EIF2B3: variants seen among roughly 807,000 people sequenced by gnomAD.
EIF2B3 encodes eukaryotic translation initiation factor 2B subunit gamma.
A neutral mutation model predicts 54.1 loss-of-function variants in EIF2B3; 20 were observed. The ratio of observed to expected loss-of-function variants is 0.37; its 90% CI spans 0.26 to 0.54. The LOEUF (loss-of-function observed/expected upper bound fraction) is 0.54. Among genes scored for constraint, EIF2B3 ranks in the 20% least tolerant of loss-of-function variants. The probability of loss-of-function intolerance (pLI) is 0.86; values close to 1 mark genes in which losing one functional copy is unlikely to be tolerated. For missense variants in EIF2B3, 448 were observed against 547.8 expected, an observed-to-expected ratio of 0.82 and a Z score of 1.82; for synonymous variants, 153 against 188.1, an observed-to-expected ratio of 0.81 and a Z score of 1.52.
At chr1:44,976,588 G>A (rs1313232004) in intron 3 of EIF2B3, among the ~76,000 whole-genome samples, 1 of 152,092 alleles carries the variant, frequency 6.6e-6, no homozygotes, top group African/African-American at 2.4e-5. Context: ...TTCACAAAAA[G>A]ACCTGCAGAA....
At chr1:44,902,820 CTCTT>C in intron 5 of EIF2B3, among the ~76,000 whole-genome samples, 1 of 88,730 alleles carries the variant, frequency 1.1e-5, no homozygotes, top group South Asian at 4.5e-4. Context: ...AGAAAAGAGA[CTCTT>C]TCTTTAAAAA....
intron 3 of EIF2B3, among the ~76,000 whole-genome samples, chr1:44,957,742 C>T (rs1008072387): frequency 2.6e-5 from 4 of 151,756 alleles, no homozygotes; most frequent in African/African-American, 4.8e-5. Flanking sequence ...GCCTGGATGA[C>T]AGAGCAAGAC....
chr1:44,930,408 C>T (rs1643886735), intron 4 of EIF2B3, among the ~76,000 whole-genome samples: 2 of 152,210 alleles, frequency 1.3e-5, no homozygotes, highest in Admixed American at 1.3e-4. Context: ...GGTTAGTTCC[C>T]TATCCTTTAT....
chr1:44,958,530 A>G lies in EIF2B3; in HGVS notation c.295-16865T>C. 2.3e-6 allele frequency: 3 copies of G among 1,307,088 alleles called. No homozygotes were observed. The South Asian group carries it at 3.7e-5, about 16-fold the overall frequency. 81.0% of individuals were successfully genotyped at this position (1,307,088 alleles called of 1,614,324 possible). A position where few individuals can be genotyped will look rare whatever the true frequency, so the allele number is the denominator to read the frequency against. On this transcript the variant is annotated intron_variant, in intron 3 of 11. Coordinates refer to ENST00000360403, the MANE Select transcript of EIF2B3 (RefSeq NM_020365.5). The stretch of plus-strand genomic sequence containing the variant: ...CGTTTTTCTTTTATGGGCTGTCTTT[A>G]GCTTCTGGAGACCTCACTATCCTAT...
chr1:44,914,866 T>G (rs1245694670), intron 5 of EIF2B3, among the ~76,000 whole-genome samples: 1 of 152,164 alleles, frequency 6.6e-6, no homozygotes, highest in African/African-American at 2.4e-5. Context: ...TTTTTTGTAT[T>G]TTTAGTAGAG....
chr1:44,913,832 T>C (rs1412928712), intron 5 of EIF2B3, among the ~76,000 whole-genome samples: 4 of 136,216 alleles, frequency 2.9e-5, no homozygotes, highest in African/African-American at 1.1e-4. Context: ...AAATTGGGAA[T>C]TTTTTTTTTT....
At chr1:44,880,055 C>T in intron 7 of EIF2B3, 47 bp from the exon 8 acceptor site, 1 of 1,589,666 alleles carries the variant, frequency 6.3e-7, no homozygotes, top group Non-Finnish European at 8.6e-7. Context: ...AGAGAGATAA[C>T]AGAACAGATA....
At chr1:44,952,165 G>A (rs1212959707) in intron 3 of EIF2B3, among the ~76,000 whole-genome samples, 1 of 138,220 alleles carries the variant, frequency 7.2e-6, no homozygotes, top group African/African-American at 2.7e-5. Flanking sequence ...GGGTTTCACC[G>A]TTTTAGCCAG....
intron 11 of EIF2B3, 134 bp from the exon 12 acceptor site, chr1:44,851,137 T>C: frequency 1.2e-6 from 1 of 805,292 alleles, no homozygotes; most frequent in Admixed American, 2.0e-5. Flanking sequence ...CAATCTCGGC[T>C]TACTGCAACC....
intron 10 of EIF2B3, among the ~76,000 whole-genome samples, chr1:44,865,648 C>T (rs1654749071): frequency 1.3e-5 from 2 of 151,646 alleles, no homozygotes; most frequent in Admixed American, 1.3e-4. Flanking sequence ...ATGGCGCGAA[C>T]TGGGCTCACT....
At chr1:44,914,774 C>T (rs915049492) in intron 5 of EIF2B3, among the ~76,000 whole-genome samples, 8 of 152,028 alleles carry the variant, frequency 5.3e-5, no homozygotes, top group Non-Finnish European at 8.8e-5. Flanking sequence ...CTGCTAGCTC[C>T]GCCACCCTGT....
intron 6 of EIF2B3, among the ~76,000 whole-genome samples, chr1:44,882,916 T>TTTTTTC: frequency 6.7e-6 from 1 of 148,708 alleles, no homozygotes. Context: ...TGCCTGACTT[T>TTTTTTC]TTTTTCTTTT....
chr1:44,967,734 G>A (rs980951887), intron 3 of EIF2B3, among the ~76,000 whole-genome samples: 1 of 100,154 alleles, frequency 1.0e-5, no homozygotes, highest in Non-Finnish European at 1.9e-5. Context: ...GTGAGATGCT[G>A]TCTTCAAAAA....
At chr1:44,957,247 C>A (rs1644235251) in intron 3 of EIF2B3, among the ~76,000 whole-genome samples, 1 of 152,080 alleles carries the variant, frequency 6.6e-6, no homozygotes, top group African/African-American at 2.4e-5. Flanking sequence ...GCCTAGGCGA[C>A]AGGGCAAGAC....
chr1:44,851,572 C>T (rs1331831830), intron 11 of EIF2B3, among the ~76,000 whole-genome samples: 1 of 152,034 alleles, frequency 6.6e-6, no homozygotes, highest in African/African-American at 2.4e-5. Flanking sequence ...ATAGTTTCTA[C>T]AGGCAGTGAT....
Position 44,869,017 on chromosome 1 carries a change from AG to A in EIF2B3, c.1202+5660del, listed in dbSNP as rs372153266. ...ATCATGAAGTTCCAATTTCTTCTAAAGGTAAGAGGGAGCTTTCAAAAGGTTT... is the reference window on the plus strand; with the variant it reads ...ATCATGAAGTTCCAATTTCTTCTAAAGTAAGAGGGAGCTTTCAAAAGGTTT... On this transcript the variant is annotated intron_variant, in intron 10 of 11. Coordinates refer to ENST00000360403, the MANE Select transcript of EIF2B3 (RefSeq NM_020365.5). Among the ~76,000 whole-genome samples, 546 of 152,346 alleles carry A rather than the reference AG, an allele frequency of 3.6e-3. 5 individuals are homozygous for A. The highest frequency in any genetic ancestry group is 0.013 in the African/African-American group (526 of 41,592).
intron 3 of EIF2B3, chr1:44,958,824 T>C: frequency 3.7e-6 from 4 of 1,067,722 alleles, no homozygotes; most frequent in Non-Finnish European, 5.9e-6. Flanking sequence ...GGACGTTAGC[T>C]CCTGAGCAGT....
intron 3 of EIF2B3, among the ~76,000 whole-genome samples, chr1:44,954,935 G>A (rs1644206149): frequency 6.6e-6 from 1 of 152,118 alleles, no homozygotes; most frequent in African/African-American, 2.4e-5. Flanking sequence ...GCATGAAGGG[G>A]TGTTGAATTT....
intron 5 of EIF2B3, among the ~76,000 whole-genome samples, chr1:44,906,215 C>T (rs1351236087): frequency 1.3e-5 from 2 of 152,170 alleles, no homozygotes; most frequent in Admixed American, 6.5e-5. Context: ...TCTATTTTCT[C>T]GTCTCATGAA....
Sources: gnomAD v4.1 joint callset for allele counts (sites outside exome capture counted in the v4.1 genomes callset) on GRCh38, gnomAD v4.1.1 for gene constraint, MANE v1.5 for transcripts, NCBI Gene and HGNC (gene_info 2026-07-23, HGNC 2026-07-21) for gene names.